SOX5: variants seen among roughly 807,000 people sequenced by gnomAD.
The protein encoded by SOX5 is transcription factor SOX-5.
A neutral mutation model predicts 92.0 loss-of-function variants in SOX5; 9 were observed. The observed-to-expected ratio is 0.10, with a 90% CI of 0.06 to 0.17. The LOEUF is 0.17. Among genes scored for constraint, SOX5 ranks in the 10% least tolerant of loss-of-function variants. The probability of loss-of-function intolerance (pLI) is 1.00; values close to 1 mark genes in which losing one functional copy is unlikely to be tolerated. For missense variants in SOX5, 642 were observed against 944.5 expected (o/e 0.68, Z 4.20); for synonymous variants, 344 against 336.3 (o/e 1.02, Z -0.25).
intron 4 of SOX5, among the ~76,000 whole-genome samples, chr12:24,048,067 A>C (rs1957222016): frequency 6.6e-6 from 1 of 152,164 alleles, no homozygotes; most frequent in Admixed American, 6.5e-5. Context: ...CAGGAGTAAA[A>C]AGTTAAGAAA....
chr12:24,226,876 A>G (rs1372145178), intron 3 of SOX5, among the ~76,000 whole-genome samples: 1 of 123,860 alleles, frequency 8.1e-6, no homozygotes, highest in African/African-American at 2.7e-5. Context: ...GAATGAATGA[A>G]TGAATGAATA....
intron 8 of SOX5, among the ~76,000 whole-genome samples, chr12:23,633,972 A>G (rs560551581): frequency 5.3e-5 from 8 of 151,692 alleles, no homozygotes; most frequent in African/African-American, 1.9e-4. Context: ...AAGAAAGAGC[A>G]GGAGAGACAG....
At chr12:23,680,777 G>A (rs2086495629) in intron 6 of SOX5, among the ~76,000 whole-genome samples, 1 of 151,976 alleles carries the variant, frequency 6.6e-6, no homozygotes, top group Non-Finnish European at 1.5e-5. Context: ...CATCAACCTA[G>A]GTGTGATAAT....
intron 4 of SOX5, among the ~76,000 whole-genome samples, chr12:24,082,897 C>CT (rs1234647732): frequency 6.6e-6 from 1 of 151,738 alleles, no homozygotes; most frequent in Non-Finnish European, 1.5e-5. Flanking sequence ...ATCTCATTTG[C>CT]TTTTATAAAG....
chr12:23,722,613 C>CT (rs2092881760), intron 6 of SOX5, among the ~76,000 whole-genome samples: 2 of 152,186 alleles, frequency 1.3e-5, no homozygotes, highest in Non-Finnish European at 2.9e-5. Context: ...CCCTTTGAAG[C>CT]TGTTTGCTTG....
chr12:24,312,042 G>GA (rs35607892), intron 2 of SOX5, among the ~76,000 whole-genome samples: 38,556 of 151,986 alleles, frequency 0.25, 5,699 homozygotes, highest in East Asian at 0.58. Flanking sequence ...TGGTAGTTGA[G>GA]AAATTAAGGC....
chr12:24,067,429 C>T (rs751844433), intron 4 of SOX5, among the ~76,000 whole-genome samples: 2 of 151,904 alleles, frequency 1.3e-5, no homozygotes, highest in Non-Finnish European at 2.9e-5. Flanking sequence ...AACTCCAGTG[C>T]CTTTCAACTT....
chr12:24,346,216 A>T (rs1276389026), intron 2 of SOX5, among the ~76,000 whole-genome samples: 5 of 152,174 alleles, frequency 3.3e-5, no homozygotes, highest in Non-Finnish European at 7.3e-5. Context: ...TATTACTGAT[A>T]ATCTGAGACA....
intron 3 of SOX5, among the ~76,000 whole-genome samples, chr12:24,274,619 C>T (rs1020786974): frequency 3.3e-5 from 5 of 150,564 alleles, no homozygotes; most frequent in Admixed American, 2.0e-4. Context: ...AAACATCATA[C>T]ATCATGTGTC....
At chr12:24,412,521 ACTTT>A (rs903338829) in intron 1 of SOX5, among the ~76,000 whole-genome samples, 3 of 151,970 alleles carry the variant, frequency 2.0e-5, no homozygotes, top group Admixed American at 6.6e-5. Flanking sequence ...GTCCCTTGAG[ACTTT>A]CTTTGTTACC....
At chr12:24,216,293 C>G (rs1003741543) in intron 3 of SOX5, among the ~76,000 whole-genome samples, 10 of 151,466 alleles carry the variant, frequency 6.6e-5, no homozygotes, top group Admixed American at 5.3e-4. Context: ...ACCATCCTGG[C>G]TAACACGGTG....
intron 1 of SOX5, among the ~76,000 whole-genome samples, chr12:24,503,808 A>T (rs1566328488): frequency 2.0e-5 from 3 of 152,156 alleles, no homozygotes; most frequent in Non-Finnish European, 4.4e-5. Flanking sequence ...GCAACATCAC[A>T]CACCAGGGCC....
At chr12:24,154,611 A>C (rs1214808035) in intron 4 of SOX5, among the ~76,000 whole-genome samples, 2 of 152,212 alleles carry the variant, frequency 1.3e-5, no homozygotes, top group East Asian at 3.9e-4. Context: ...GCATTAAAAA[A>C]ATTTATGAAG....
At chr12:23,964,157 C>A (rs10771043) in intron 4 of SOX5, among the ~76,000 whole-genome samples, 80,152 of 151,656 alleles carry the variant, frequency 0.53, 21,553 homozygotes, top group East Asian at 0.62. Flanking sequence ...CTCCAGGAAC[C>A]AATTAAGATA....
intron 4 of SOX5, among the ~76,000 whole-genome samples, chr12:24,124,043 T>C (rs1948875628): frequency 6.6e-6 from 1 of 152,228 alleles, no homozygotes; most frequent in Non-Finnish European, 1.5e-5. Flanking sequence ...TGGAGCTTCA[T>C]TTTGGAAAGA....
intron 1 of SOX5, among the ~76,000 whole-genome samples, chr12:24,533,499 G>T (rs1173430934): frequency 6.6e-6 from 1 of 151,978 alleles, no homozygotes; most frequent in Non-Finnish European, 1.5e-5. Flanking sequence ...AACTAATGAG[G>T]TAAGATATGA....
At chr12:24,280,987 G>T (rs1945108477) in intron 2 of SOX5, among the ~76,000 whole-genome samples, 1 of 99,688 alleles carries the variant, frequency 1.0e-5, no homozygotes, top group Admixed American at 1.3e-4. Context: ...GTCAGGGGAA[G>T]GGAGAGAGAG....
At chr12:24,491,045 C>A (rs1288593285) in intron 1 of SOX5, among the ~76,000 whole-genome samples, 2 of 133,882 alleles carry the variant, frequency 1.5e-5, no homozygotes, top group Non-Finnish European at 3.1e-5. Context: ...TAACAAAAAC[C>A]CACTATCTCT....
chr12:23,965,492 T>C (rs1349613496), intron 4 of SOX5, among the ~76,000 whole-genome samples: 2 of 152,142 alleles, frequency 1.3e-5, no homozygotes, highest in Admixed American at 6.5e-5. Context: ...CCTGCACAAA[T>C]TGTGGACAGA....
Sources: gnomAD v4.1 joint callset for allele counts (sites outside exome capture counted in the v4.1 genomes callset) on GRCh38, gnomAD v4.1.1 for gene constraint, MANE v1.5 for transcripts, NCBI Gene and HGNC (gene_info 2026-07-23, HGNC 2026-07-21) for gene names.